MRPL24: variants seen among roughly 807,000 people sequenced by gnomAD.
MRPL24 encodes the protein large ribosomal subunit protein uL24m.
In MRPL24, 15 loss-of-function variants were observed where a neutral mutation model predicts 26.9. That is an observed-to-expected ratio of 0.56 (90% CI 0.37 to 0.86). The LOEUF (loss-of-function observed/expected upper bound fraction) is 0.86. Ranked by LOEUF, MRPL24 falls within the 40% of genes least tolerant of loss-of-function variation. The pLI is 0.00. For missense variants in MRPL24, 241 were observed against 281.4 expected (o/e 0.86, Z 1.03); for synonymous variants, 92 against 102.4 (o/e 0.90, Z 0.62).
intron 3 of MRPL24, 46 bp downstream of exon 3, chr1:156,738,297 G>T (rs1480808402): frequency 8.8e-6 from 14 of 1,588,912 alleles, no homozygotes; most frequent in Non-Finnish European, 1.2e-5. Context: ...GAGAGGGACA[G>T]ATGAGACAGG....
chr1:156,737,740 T>A lies in MRPL24; in HGVS notation c.420A>T (p.Ala140=), dbSNP rs760182528. 3.2e-5 allele frequency: 52 copies of A among 1,614,082 alleles called. No individual in the cohort carries two copies. Among genetic ancestry groups the A allele is most frequent in the Non-Finnish European group, 4.4e-5 (52 of 1,180,036 alleles). ...GTGTGGAGACTCGTACCCGCTCTCCTGCTTCAGTAAATCTCCACTCGATCT... is the reference window on the plus strand; with the variant it reads ...GTGTGGAGACTCGTACCCGCTCTCCAGCTTCAGTAAATCTCCACTCGATCT... ...PTEIEWRFTE[A]GERVRVSTRS... is the part of the protein sequence containing the mutation. Residue 140 remains alanine (A), a synonymous_variant, in exon 5 of 6, where the codon GCA becomes GCT. Coordinates refer to ENST00000361531, the MANE Select transcript of MRPL24 (RefSeq NM_145729.3).
chr1:156,739,659 C>T (rs1021562248), intron 1 of MRPL24, among the ~76,000 whole-genome samples: 2 of 139,440 alleles, frequency 1.4e-5, no homozygotes, highest in Non-Finnish European at 3.1e-5. Flanking sequence ...GGCAACTTAA[C>T]TTTTTTTTTT....
chr1:156,738,360 C>G lies in MRPL24; in HGVS notation c.262G>C (p.Val88Leu), dbSNP rs1009355647. Residue 88 changes from valine (V) to leucine (L), a missense_variant, in exon 3 of 6, where the codon GTG becomes CTG. Coordinates refer to ENST00000361531, the MANE Select transcript of MRPL24 (RefSeq NM_145729.3). ...QVIRQRNWVV[V>L]GGLNTHYRYI... ...CAACTTACTGTGTTCAGCCCTCCCACGACCACCCAGTTTCGCTGCCGGATA... is the reference window on the plus strand; with the variant it reads ...CAACTTACTGTGTTCAGCCCTCCCAGGACCACCCAGTTTCGCTGCCGGATA... 1 of 1,614,148 alleles carries G rather than the reference C, an allele frequency of 6.2e-7. No homozygotes were observed. The highest frequency in any genetic ancestry group is 8.5e-7 in the Non-Finnish European group (1 of 1,180,008).
At chr1:156,737,935 C>CT in intron 4 of MRPL24, 96 bp downstream of exon 4, 1 of 1,447,290 alleles carries the variant, frequency 6.9e-7, no homozygotes, top group South Asian at 1.2e-5. Context: ...GATGGTCCCT[C>CT]TTAATTTCCA....
chr1:156,738,780 G>T lies in MRPL24; in HGVS notation c.-60-16C>A. On this transcript the variant is annotated splice_polypyrimidine_tract_variant and intron_variant, in intron 1 of 5. Coordinates refer to ENST00000361531, the MANE Select transcript of MRPL24 (RefSeq NM_145729.3). Reference sequence around the variant, plus strand: ...CTTGTCAGCTCTGGGCAGATGGATAGAAACGGGAACAAAGAGGCAAGGGAA... The same window carrying T: ...CTTGTCAGCTCTGGGCAGATGGATATAAACGGGAACAAAGAGGCAAGGGAA... 1 of 1,410,472 alleles carries T rather than the reference G, an allele frequency of 7.1e-7. No individual in the cohort carries two copies. Among genetic ancestry groups the T allele is most frequent in the Non-Finnish European group, 9.6e-7 (1 of 1,041,634 alleles). The allele number at this position is 1,410,472 out of a possible 1,614,324, so 87.4% of individuals were successfully genotyped here. A position where few individuals can be genotyped will look rare whatever the true frequency, so the allele number is the denominator to read the frequency against.
chr1:156,739,456 T>C (rs1417499847), intron 1 of MRPL24, among the ~76,000 whole-genome samples: 1 of 152,198 alleles, frequency 6.6e-6, no homozygotes, highest in African/African-American at 2.4e-5. Flanking sequence ...TGCTAAGTGC[T>C]TTCCTGTATC....
upstream of MRPL24, among the ~76,000 whole-genome samples, chr1:156,741,872 T>A (rs554833963): frequency 2.3e-4 from 35 of 152,260 alleles, no homozygotes; most frequent in African/African-American, 6.7e-4. Flanking sequence ...AAACCCTTTT[T>A]TAAAAAAAAC....
At position 156,737,643 on chromosome 1, in the gene MRPL24, C is replaced by A. The variant is rs1263132466; in HGVS notation, c.514+3G>T. On this transcript the variant is annotated splice_donor_region_variant and intron_variant, in intron 5 of 5. Coordinates refer to ENST00000361531, the MANE Select transcript of MRPL24 (RefSeq NM_145729.3). ...CCCTGACCTTCCTGCCCCTCACTCTCACCAATCCACGTTTCAGGGACGATG... is the reference window on the plus strand; with the variant it reads ...CCCTGACCTTCCTGCCCCTCACTCTAACCAATCCACGTTTCAGGGACGATG... The A allele has an allele frequency of 3.7e-6, 6 of 1,614,052 alleles. No homozygotes were observed. The highest frequency in any genetic ancestry group is 1.3e-5 in the African/African-American group (1 of 74,934).
rs774197459 is a variant in MRPL24 at position 156,737,511 on chromosome 1, C to T, written c.538G>A (p.Glu180Lys). The T allele has an allele frequency of 3.1e-6, 5 of 1,609,076 alleles. No homozygotes were observed. In the African/African-American group the frequency reaches 6.7e-5, roughly 22 times the overall value. ...ACATAGGTTCTTTCTAAAGCATCTT[C>T]CACTGATGTGTCTTTGGGGCCATCT... is the stretch of plus-strand genomic sequence containing the variant. ...WIDGPKDTSV[E>K]DALERTYVPC... The change falls in exon 6 of 6, where the codon GAA becomes AAA. Residue 180 changes from glutamate (E) to lysine (K), a missense_variant. Physicochemically the swap from Glu to Lys is moderately conservative, Grantham distance 56. Coordinates refer to ENST00000361531, the MANE Select transcript of MRPL24 (RefSeq NM_145729.3).
At chr1:156,740,349 GAAAC>G (rs1425501210) in intron 1 of MRPL24, 1 of 147,360 alleles carries the variant, frequency 6.8e-6, no homozygotes, top group Admixed American at 6.9e-5. Flanking sequence ...TTCGGAAAAA[GAAAC>G]AAAAACAAAC....
upstream of MRPL24, chr1:156,741,125 A>C (rs1401413274): frequency 6.6e-6 from 1 of 151,944 alleles, no homozygotes; most frequent in Non-Finnish European, 1.5e-5. Flanking sequence ...ACGCCCGTCG[A>C]CTTTCTGGGA....
rs1406839214 is a variant in MRPL24 at position 156,738,050 on chromosome 1, G to A, written c.364C>T (p.Leu122Phe). 6.2e-7 allele frequency: 1 copy of A among 1,614,162 alleles called. No individual in the cohort carries two copies. Among genetic ancestry groups the A allele is most frequent in the Non-Finnish European group, 8.5e-7 (1 of 1,180,022 alleles). The stretch of plus-strand genomic sequence containing the variant: ...GCTTGCCTGTCCATAGGATCCACAA[G>A]TTTGACCTGGCGGTGGAGCAAGGGG... ...EAPLLHRQVK[L>F]VDPMDRKPTE... Residue 122 changes from leucine to phenylalanine, a missense_variant, in exon 4 of 6, where the codon CTT becomes TTT. Physicochemically the swap from Leu to Phe is conservative, Grantham distance 22. Coordinates refer to ENST00000361531, the MANE Select transcript of MRPL24 (RefSeq NM_145729.3).
rs1385897011 is a variant in MRPL24, at chr1:156,737,792, G to GGTGA, written c.384-20_384-17dup. 5 of 1,613,568 alleles carry GGTGA rather than the reference G, an allele frequency of 3.1e-6. No individual in the cohort carries two copies. Among genetic ancestry groups the GGTGA allele is most frequent in the Non-Finnish European group, 4.2e-6 (5 of 1,179,776 alleles). On this transcript the variant is annotated splice_polypyrimidine_tract_variant and intron_variant, in intron 4 of 5. Coordinates refer to ENST00000361531, the MANE Select transcript of MRPL24 (RefSeq NM_145729.3). ...AGTGGGTTTCCTGGTGGATAGAAGA[G>GGTGA]GTGAGCCTGGCCTACGAGCCAGGCT...
chr1:156,738,127 C>T lies in MRPL24; in HGVS notation c.287G>A (p.Arg96His), dbSNP rs765923629. Residue 96 changes from arginine (R) to histidine (H), a missense_variant, in exon 4 of 6, where the codon CGC becomes CAC. By Grantham distance (29) the Arg-to-His change is conservative (BLOSUM62 0). Coordinates refer to ENST00000361531, the MANE Select transcript of MRPL24 (RefSeq NM_145729.3). ...VVVGGLNTHY[R>H]YIGKTMDYRG... ...GTAATCCATGGTCTTGCCAATGTAG[C>T]GGTAATGCTGTCCAAGAGAGGGGAG... 2.4e-5 allele frequency: 38 copies of T among 1,614,054 alleles called. No homozygotes were observed. The highest frequency in any genetic ancestry group is 1.0e-4 in the Admixed American group (6 of 60,004).
chr1:156,738,014 A>G lies in MRPL24; in HGVS notation c.383+17T>C, dbSNP rs753515900. 6.2e-7 allele frequency: 1 copy of G among 1,612,238 alleles called. No homozygotes were observed. The highest frequency in any genetic ancestry group is 1.1e-5 in the South Asian group (1 of 91,014). On this transcript the variant is annotated intron_variant, in intron 4 of 5. Coordinates refer to ENST00000361531, the MANE Select transcript of MRPL24 (RefSeq NM_145729.3). ...CCAGAGGGTGAGAAACCCTCTGCCCAGAGCCCCGTTGCTTGCCTGTCCATA... is the reference window on the plus strand; with the variant it reads ...CCAGAGGGTGAGAAACCCTCTGCCCGGAGCCCCGTTGCTTGCCTGTCCATA...
chr1:156,740,999 G>C lies in MRPL24; in HGVS notation c.-61+13C>G, dbSNP rs1401701764. 1 of 152,222 alleles carries C rather than the reference G, an allele frequency of 6.6e-6. No homozygotes were observed. The highest frequency in any genetic ancestry group is 2.4e-5 in the African/African-American group (1 of 41,432). 9.4% of individuals were successfully genotyped at this position (152,222 alleles called of 1,614,324 possible). On this transcript the variant is annotated intron_variant, in intron 1 of 5. Coordinates refer to ENST00000361531, the MANE Select transcript of MRPL24 (RefSeq NM_145729.3). ...GAGCCATGGCCAGGGAAAAGGATAG[G>C]CTCTTCCCGCACCTGCCTCTCGGAC...
chr1:156,741,629 TAACTC>T (rs1389908290), upstream of MRPL24: 1 of 152,108 alleles, frequency 6.6e-6, no homozygotes, highest in Non-Finnish European at 1.5e-5. Context: ...TCATTCCACT[TAACTC>T]AGGGAGTACT....
chr1:156,738,767 G>T lies in MRPL24; in HGVS notation c.-60-3C>A. ...GCTCGAAACCTTCCTTGTCAGCTCT[G>T]GGCAGATGGATAGAAACGGGAACAA... On this transcript the variant is annotated splice_polypyrimidine_tract_variant and splice_region_variant and intron_variant, in intron 1 of 5. Transcript: ENST00000361531. 6.8e-7 allele frequency: 1 copy of T among 1,472,612 alleles called. No individual in the cohort carries two copies. The highest frequency in any genetic ancestry group is 9.1e-7 in the Non-Finnish European group (1 of 1,093,978). 91.2% of individuals were successfully genotyped at this position (1,472,612 alleles called of 1,614,324 possible). A position where few individuals can be genotyped will look rare whatever the true frequency, so the allele number is the denominator to read the frequency against.
chr1:156,742,247 AG>A (rs1425601590), upstream of MRPL24: 3 of 152,644 alleles, frequency 2.0e-5, no homozygotes, highest in Admixed American at 6.5e-5. Context: ...GACTGTAGAG[AG>A]GCATAGAGAG....
Sources: allele counts gnomAD v4.1 joint callset (sites outside exome capture counted in the v4.1 genomes callset), GRCh38; gene constraint gnomAD v4.1.1; transcripts MANE v1.5; gene names NCBI Gene and HGNC (gene_info 2026-07-23, HGNC 2026-07-21).